The following PRDM1 variants were observed in gnomAD, a reference collection of about 807,000 sequenced individuals.
PRDM1 encodes PR/SET domain 1.
In PRDM1, 13 loss-of-function variants were observed where a neutral mutation model predicts 62.8. The ratio of observed to expected loss-of-function variants is 0.21; its 90% CI spans 0.13 to 0.33. The LOEUF is 0.33. Among genes scored for constraint, PRDM1 ranks in the 10% least tolerant of loss-of-function variants. The pLI is 1.00. For missense variants in PRDM1, 895 were observed against 1,058.8 expected (o/e 0.85, Z 2.15); for synonymous variants, 396 against 417.6 (o/e 0.95, Z 0.63).
chr6:106,072,378 C>G (rs1240372488), intron 1 of PRDM1, among the ~76,000 whole-genome samples: 1 of 152,194 alleles, frequency 6.6e-6, no homozygotes, highest in East Asian at 1.9e-4. Flanking sequence ...GAATCGTGAC[C>G]TTCCCTGTCC....
intron 1 of PRDM1, among the ~76,000 whole-genome samples, chr6:106,030,714 G>A (rs1387120480): frequency 6.6e-6 from 1 of 152,136 alleles, no homozygotes; most frequent in Non-Finnish European, 1.5e-5. Context: ...TATGTATGGT[G>A]ATAAGGGTCA....
In PRDM1 at chr6:106,105,786, C is replaced by G; in HGVS notation, c.1626C>G (p.Ser542Arg). ...CCTCAGCAGCGATGGCAGCCCCCAG[C>G]AGCGACGAAGCCATGAATCTCATTA... The part of the protein sequence containing the change: ...KATSAAMAAP[S>R]SDEAMNLIKN... The change falls in exon 5 of 7, where the codon AGC becomes AGG. Residue 542 changes from serine (S) to arginine (R), a missense_variant. By Grantham distance (110) the Ser-to-Arg change is moderately radical (BLOSUM62 -1). Coordinates refer to ENST00000369096, the MANE Select transcript of PRDM1 (RefSeq NM_001198.4). 6.2e-7 allele frequency: 1 copy of G among 1,614,232 alleles called. No individual in the cohort carries two copies. The highest frequency in any genetic ancestry group is 8.5e-7 in the Non-Finnish European group (1 of 1,180,046).
At chr6:106,021,054 C>T (rs1187260906) in intron 1 of PRDM1, among the ~76,000 whole-genome samples, 1 of 152,084 alleles carries the variant, frequency 6.6e-6, no homozygotes, top group Non-Finnish European at 1.5e-5. Context: ...AAAAAGTAGG[C>T]CATTCATAAC....
intron 1 of PRDM1, among the ~76,000 whole-genome samples, chr6:106,049,557 C>A (rs1457021568): frequency 1.3e-5 from 2 of 152,198 alleles, no homozygotes; most frequent in African/African-American, 4.8e-5. Flanking sequence ...ATCCAAGGCT[C>A]AGCTCCGATG....
At chr6:106,044,635 A>C (rs892506895), upstream of PRDM1, among the ~76,000 whole-genome samples, 5 of 152,216 alleles carry the variant, frequency 3.3e-5, no homozygotes, top group Non-Finnish European at 7.3e-5. Flanking sequence ...ACCTAGCACT[A>C]CAAGTTTAGG....
chr6:106,002,261 G>A (rs1772435409), intron 1 of PRDM1, among the ~76,000 whole-genome samples: 2 of 152,124 alleles, frequency 1.3e-5, no homozygotes, highest in Admixed American at 1.3e-4. Flanking sequence ...AACCCTTGCT[G>A]CTCTTAAAAT....
In PRDM1 at chr6:106,105,483, G is replaced by C. The variant is rs1275691305; in HGVS notation, c.1323G>C (p.Pro441=). The change falls in exon 5 of 7, where the codon CCG becomes CCC. Residue 441 remains proline (P), a synonymous_variant. Transcript: ENST00000369096. ...GCATCAACAACTTTGGCCTCTTCCC[G>C]AGGCTGTGCCCTGTCTACAGCAATC... ...MNGINNFGLF[P]RLCPVYSNLL... The C allele has an allele frequency of 3.1e-6, 5 of 1,613,986 alleles. No individual in the cohort carries two copies. The highest frequency in any genetic ancestry group is 1.1e-5 in the South Asian group (1 of 91,080).
At chr6:106,072,127 A>C (rs1226501487) in intron 1 of PRDM1, 1 of 152,206 alleles carries the variant, frequency 6.6e-6, no homozygotes, top group South Asian at 2.1e-4. Flanking sequence ...GGGCTTTTGC[A>C]GTTGTGTTTA....
At chr6:106,030,466 C>G (rs1772825722) in intron 1 of PRDM1, among the ~76,000 whole-genome samples, 1 of 152,136 alleles carries the variant, frequency 6.6e-6, no homozygotes, top group South Asian at 2.1e-4. Flanking sequence ...AGCCACCATA[C>G]CCAGCCCATT....
At chr6:106,043,345 A>G (rs1220310225) in intron 1 of PRDM1, among the ~76,000 whole-genome samples, 1 of 152,210 alleles carries the variant, frequency 6.6e-6, no homozygotes, top group African/African-American at 2.4e-5. Flanking sequence ...GGCAAAGACT[A>G]TGTCAGTTTT....
intron 4 of PRDM1, among the ~76,000 whole-genome samples, chr6:106,104,042 G>A (rs557256258): frequency 8.5e-5 from 13 of 152,274 alleles, no homozygotes; most frequent in South Asian, 2.1e-4. Context: ...GAGTAGAAGC[G>A]AAAATTGATG....
chr6:106,083,229 T>TG (rs1773723436), upstream of PRDM1, among the ~76,000 whole-genome samples: 1 of 548 alleles, frequency 1.8e-3, no homozygotes, highest in Non-Finnish European at 3.7e-3. Context: ...TGAGGGTGGG[T>TG]GGGTGGTAGG....
intron 1 of PRDM1, among the ~76,000 whole-genome samples, chr6:105,996,862 C>T (rs1414448090): frequency 6.6e-6 from 1 of 152,132 alleles, no homozygotes; most frequent in Non-Finnish European, 1.5e-5. Flanking sequence ...ATGTGATTTC[C>T]GCCAAATTGA....
chr6:106,031,634 G>A (rs758845341), intron 1 of PRDM1, among the ~76,000 whole-genome samples: 1 of 152,218 alleles, frequency 6.6e-6, no homozygotes, highest in Non-Finnish European at 1.5e-5. Flanking sequence ...ACCAAGGTGG[G>A]AAACATGGAA....
At chr6:106,104,006 G>A (rs187323362) in intron 4 of PRDM1, among the ~76,000 whole-genome samples, 1 of 152,220 alleles carries the variant, frequency 6.6e-6, no homozygotes, top group Admixed American at 6.5e-5. Flanking sequence ...GTTTGAACAG[G>A]GCTTTATCAA....
At chr6:106,047,406 A>G (rs1034381734), upstream of PRDM1, among the ~76,000 whole-genome samples, 1 of 152,210 alleles carries the variant, frequency 6.6e-6, no homozygotes, top group African/African-American at 2.4e-5. Context: ...TAGGTCTTTG[A>G]TGGAAATGCC....
intron 1 of PRDM1, among the ~76,000 whole-genome samples, chr6:106,008,715 T>C (rs1196077109): frequency 1.3e-5 from 2 of 152,182 alleles, no homozygotes; most frequent in African/African-American, 4.8e-5. Flanking sequence ...TTACTGGAAG[T>C]AAAGGCAGAG....
At chr6:106,020,205 A>G (rs1399504618) in intron 1 of PRDM1, among the ~76,000 whole-genome samples, 1 of 151,474 alleles carries the variant, frequency 6.6e-6, no homozygotes, top group African/African-American at 2.4e-5. Context: ...AAACCCACAA[A>G]CAAACAAAAA....
chr6:106,070,176 C>G (rs1164590925), intron 1 of PRDM1, among the ~76,000 whole-genome samples: 3 of 152,160 alleles, frequency 2.0e-5, no homozygotes, highest in Non-Finnish European at 1.5e-5. Flanking sequence ...AAATTTATGA[C>G]AAAACTGCTG....
Sources: gnomAD v4.1 joint callset for allele counts (sites outside exome capture counted in the v4.1 genomes callset) on GRCh38, gnomAD v4.1.1 for gene constraint, MANE v1.5 for transcripts, NCBI Gene and HGNC (gene_info 2026-07-23, HGNC 2026-07-21) for gene names.